NTRK3: variants seen among roughly 807,000 people sequenced by gnomAD.
NTRK3 encodes the protein neurotrophic receptor tyrosine kinase 3, also known as NT-3 growth factor receptor.
Under a neutral mutation model 91.7 loss-of-function variants are expected in NTRK3, and 24 were observed. That is an observed-to-expected ratio of 0.26 (90% CI 0.19 to 0.37). The LOEUF is 0.37. NTRK3 is among the 10% of genes least tolerant of loss of function. NTRK3 has a pLI of 1.00. For synonymous variants in NTRK3, 483 were observed against 404.0 expected, an observed-to-expected ratio of 1.20 and a Z score of -2.34; for missense variants, 880 against 1,068.9, an observed-to-expected ratio of 0.82 and a Z score of 2.46.
chr15:88,240,105 G>T lies in NTRK3; in HGVS notation c.248+15801C>A, dbSNP rs569807550. 2.0e-5 allele frequency among the ~76,000 whole-genome samples: 3 copies of T among 151,786 alleles called. No individual in the cohort carries two copies. The highest frequency in any genetic ancestry group is 2.9e-5 in the Non-Finnish European group (2 of 67,966). On this transcript the variant is annotated intron_variant, in intron 3 of 18. Transcript: ENST00000394480. The surrounding 1 kb of genome is among the most constrained non-coding windows in gnomAD (Gnocchi z 4.9). The stretch of plus-strand genomic sequence containing the variant: ...AAGGTTCCCACGCACCTGTGTGCAG[G>T]AGCACAGCCCCCCTCCCCTCCCCCA...
chr15:87,876,541 G>A (rs753921838), exon 19 of NTRK3: 14 of 223,770 alleles, frequency 6.3e-5, no homozygotes, highest in East Asian at 5.2e-4. Context: ...CCAAAGAGCC[G>A]TAGCATTAGA....
At chr15:87,901,391 G>A (rs1225703036) in intron 17 of NTRK3, among the ~76,000 whole-genome samples, 2 of 152,222 alleles carry the variant, frequency 1.3e-5, no homozygotes, top group Non-Finnish European at 2.9e-5. Context: ...TAACGAAACT[G>A]GGATGAAGTA....
At chr15:88,211,010 T>C (rs1269424460) in intron 3 of NTRK3, among the ~76,000 whole-genome samples, 1 of 152,198 alleles carries the variant, frequency 6.6e-6, no homozygotes, top group Admixed American at 6.5e-5. Context: ...TAATGCACTA[T>C]TGTTTTAATT....
At chr15:88,028,620 A>G (rs926901183) in intron 14 of NTRK3, among the ~76,000 whole-genome samples, 14 of 152,140 alleles carry the variant, frequency 9.2e-5, no homozygotes, top group African/African-American at 3.1e-4. Context: ...TTGCAGACCC[A>G]GACTGGGAAG....
intron 5 of NTRK3, among the ~76,000 whole-genome samples, chr15:88,160,845 G>A (rs763959331): frequency 8.2e-4 from 125 of 152,204 alleles, no homozygotes; most frequent in Non-Finnish European, 1.6e-3. Flanking sequence ...ATTTAGGGGA[G>A]AGGTAGGCAA....
exon 14 of NTRK3, chr15:88,032,891 G>A (rs1183659226): frequency 1.2e-6 from 2 of 1,613,804 alleles, no homozygotes; most frequent in Non-Finnish European, 1.7e-6. Context: ...GTCCCTGACG[G>A]AAGTACTGGG....
intron 5 of NTRK3, among the ~76,000 whole-genome samples, chr15:88,148,957 C>T (rs189750295): frequency 1.2e-4 from 18 of 152,186 alleles, no homozygotes; most frequent in Middle Eastern, 3.4e-3. Flanking sequence ...TTGAGTAGAA[C>T]GAGAAAGCCT....
Position 88,135,983 on chromosome 15 carries a change from T to G in NTRK3, c.823A>C (p.Ser275Arg), listed in dbSNP as rs757402384. The change falls in exon 9 of 19, where the codon AGT becomes CGT. Residue 275 changes from serine to arginine, a missense_variant. Physicochemically the swap from Ser to Arg is moderately radical, Grantham distance 110. Transcript: ENST00000394480. ...GTCAGGGTGAAGCCATTGTCCTCAC[T>G]CGTCACATTCACCAGCGTCAAGTTG... 6 of 1,614,112 alleles carry G rather than the reference T, an allele frequency of 3.7e-6. No homozygotes were observed. In the African/African-American group the frequency reaches 8.0e-5, roughly 22 times the overall value.
intron 14 of NTRK3, among the ~76,000 whole-genome samples, chr15:87,985,737 C>A (rs138818391): frequency 8.5e-5 from 13 of 152,278 alleles, no homozygotes; most frequent in African/African-American, 3.1e-4. Flanking sequence ...GGGAGGACAT[C>A]CATGCCTGGC....
At chr15:87,905,213 T>A (rs772942288) in intron 17 of NTRK3, among the ~76,000 whole-genome samples, 4 of 152,186 alleles carry the variant, frequency 2.6e-5, no homozygotes, top group African/African-American at 4.8e-5. Context: ...AGAAACATTG[T>A]CTTGACATGC....
intron 17 of NTRK3, among the ~76,000 whole-genome samples, chr15:87,899,338 G>C (rs940955385): frequency 3.9e-5 from 6 of 152,090 alleles, no homozygotes; most frequent in Non-Finnish European, 1.5e-5. Context: ...TTGCTGGTTT[G>C]TGCTGCTATA....
intron 3 of NTRK3, among the ~76,000 whole-genome samples, chr15:88,248,590 A>G (rs1215016214): frequency 6.6e-6 from 1 of 152,150 alleles, no homozygotes; most frequent in Admixed American, 6.5e-5. Context: ...ATTGCAAAAG[A>G]GCATAGGCAG....
Position 88,049,254 on chromosome 15 carries a change from C to A in NTRK3, c.1397-16209G>T, listed in dbSNP as rs532842093. ...TAGTATGCCTAGTCTATTTTAAGTC[C>A]TTAACAGTTTATTTCCCCTAGTTTT... On this transcript the variant is annotated intron_variant, in intron 13 of 18. Coordinates refer to ENST00000394480, the Ensembl canonical transcript of NTRK3. Among the ~76,000 whole-genome samples the A allele has an allele frequency of 5.9e-5, 9 of 152,266 alleles. No homozygotes were observed. In the East Asian group the frequency reaches 1.7e-3, roughly 29 times the overall value.
chr15:88,165,981 T>C (rs1461402085), intron 5 of NTRK3, among the ~76,000 whole-genome samples: 1 of 152,204 alleles, frequency 6.6e-6, no homozygotes, highest in Non-Finnish European at 1.5e-5. Context: ...CACATCATCC[T>C]AGGGGACAAA....
chr15:87,937,415 G>A (rs1361935367), intron 15 of NTRK3, among the ~76,000 whole-genome samples: 2 of 152,138 alleles, frequency 1.3e-5, no homozygotes, highest in African/African-American at 4.8e-5. Flanking sequence ...GAAGGAAAAA[G>A]CATAAAAACA....
intron 15 of NTRK3, among the ~76,000 whole-genome samples, chr15:87,934,071 A>G (rs555904539): frequency 6.6e-6 from 1 of 152,334 alleles, no homozygotes; most frequent in South Asian, 2.1e-4. Flanking sequence ...GGGGACTACA[A>G]GGCCAAAGAT....
intron 3 of NTRK3, among the ~76,000 whole-genome samples, chr15:88,187,628 GT>G (rs1445336642): frequency 2.0e-5 from 3 of 152,144 alleles, no homozygotes; most frequent in African/African-American, 2.4e-5. Flanking sequence ...TGTACAGGTT[GT>G]TTTCATTGAG....
intron 13 of NTRK3, among the ~76,000 whole-genome samples, chr15:88,097,202 G>A (rs1182995832): frequency 6.6e-6 from 1 of 152,182 alleles, no homozygotes; most frequent in East Asian, 1.9e-4. Context: ...ATGTCTACTA[G>A]AAAATTTAAC....
chr15:88,032,393 C>T (rs1158396192), intron 14 of NTRK3, among the ~76,000 whole-genome samples: 2 of 152,140 alleles, frequency 1.3e-5, no homozygotes, highest in Non-Finnish European at 2.9e-5. Flanking sequence ...CTTCGGGGCA[C>T]TGGAGGGGCA....
Sources: gnomAD v4.1 joint callset for allele counts (sites outside exome capture counted in the v4.1 genomes callset) on GRCh38, gnomAD v4.1.1 for gene constraint, Gnocchi (gnomAD v3.1) non-coding constraint, MANE v1.5 for transcripts, NCBI Gene and HGNC (gene_info 2026-07-23, HGNC 2026-07-21) for gene names.